Variants in SATL1 observed in about 807,000 individuals in gnomAD.
The protein encoded by SATL1 is spermidine/spermine N1-acetyl transferase like 1.
SATL1 carries 47 observed loss-of-function variants against 51.8 expected under a neutral mutation model. The observed-to-expected ratio is 0.91, with a 90% confidence interval of 0.72 to 1.16. The LOEUF is 1.16. SATL1 is among the 50% of genes most tolerant of loss of function. The pLI is 0.00. For synonymous variants in SATL1, 176 were observed against 182.4 expected (o/e 0.97, Z 0.28); for missense variants, 520 against 526.4 (o/e 0.99, Z 0.12).
At chrX:85,130,743 T>G (rs1925770823) in intron 2 of SATL1, among the ~76,000 whole-genome samples, 1 of 111,807 alleles carries the variant, frequency 8.9e-6, no homozygotes. Context: ...AATGTTAGGG[T>G]GTCAATTTTA....
intron 2 of SATL1, among the ~76,000 whole-genome samples, chrX:85,129,489 G>T (rs1483099107): frequency 5.4e-5 from 6 of 111,841 alleles, no homozygotes; most frequent in African/African-American, 2.0e-4. Context: ...TTTTTACACA[G>T]TGATTTTGTA....
intron 2 of SATL1, chrX:85,211,240 A>G (rs867363913): frequency 3.6e-5 from 4 of 112,032 alleles, no homozygotes; most frequent in African/African-American, 1.3e-4. Flanking sequence ...ACATAGACAT[A>G]CATACAATAC....
intron 2 of SATL1, among the ~76,000 whole-genome samples, chrX:85,160,519 C>G (rs1288719196): frequency 9.0e-6 from 1 of 110,515 alleles, no homozygotes; most frequent in East Asian, 2.9e-4. Context: ...GAAAAACACA[C>G]TACAAGAATG....
At chrX:85,150,293 T>A (rs1926390328) in intron 2 of SATL1, among the ~76,000 whole-genome samples, 2 of 111,601 alleles carry the variant, frequency 1.8e-5, no homozygotes, top group Non-Finnish European at 3.8e-5. Flanking sequence ...AATAGATGAA[T>A]AATAGGCTCT....
chrX:85,212,661 A>T (rs1165111096), intron 2 of SATL1: 1 of 110,619 alleles, frequency 9.0e-6, no homozygotes, highest in South Asian at 3.8e-4. Flanking sequence ...TATTTATTTT[A>T]TTTTTTTTCA....
chrX:85,095,499 A>G (rs745396009), intron 4 of SATL1, among the ~76,000 whole-genome samples: 1 of 110,089 alleles, frequency 9.1e-6, no homozygotes, highest in East Asian at 2.9e-4. Flanking sequence ...AAACATATAT[A>G]CAGGGGAATT....
At chrX:85,130,495 T>C (rs774586743) in intron 2 of SATL1, among the ~76,000 whole-genome samples, 22 of 111,330 alleles carry the variant, frequency 2.0e-4, no homozygotes, top group African/African-American at 6.9e-4. Context: ...TGGTGATATC[T>C]CCTTTATCAT....
At chrX:85,194,588 A>C (rs1216665739) in intron 2 of SATL1, among the ~76,000 whole-genome samples, 2 of 110,973 alleles carry the variant, frequency 1.8e-5, no homozygotes, top group Non-Finnish European at 3.8e-5. Flanking sequence ...TAATAAAAGG[A>C]CAGTATTCAC....
intron 2 of SATL1, among the ~76,000 whole-genome samples, chrX:85,114,109 C>T (rs1925327164): frequency 9.0e-6 from 1 of 111,692 alleles, no homozygotes; most frequent in South Asian, 3.7e-4. Context: ...CAAAAGAAAA[C>T]AGATTTTTAT....
chrX:85,151,659 G>T (rs926037145), intron 2 of SATL1, among the ~76,000 whole-genome samples: 5 of 110,964 alleles, frequency 4.5e-5, no homozygotes, highest in Non-Finnish European at 9.4e-5. Flanking sequence ...CAGAAATAAT[G>T]CCGCATATCT....
intron 2 of SATL1, among the ~76,000 whole-genome samples, chrX:85,169,329 C>A (rs1033882750): frequency 4.5e-5 from 5 of 111,089 alleles, no homozygotes; most frequent in African/African-American, 1.6e-4. Context: ...ACAAAGTAAG[C>A]AGATGACCTA....
At chrX:85,118,441 C>G (rs778881061) in intron 2 of SATL1, 19 of 109,771 alleles carry the variant, frequency 1.7e-4, no homozygotes, top group African/African-American at 6.3e-4. Flanking sequence ...AGAAGGTAAC[C>G]CTGGAGAAGG....
chrX:85,157,593 G>T (rs1926627896), intron 2 of SATL1, among the ~76,000 whole-genome samples: 1 of 110,745 alleles, frequency 9.0e-6, no homozygotes, highest in African/African-American at 3.3e-5. Flanking sequence ...TCAAATCTCC[G>T]AGTTGACATT....
intron 2 of SATL1, among the ~76,000 whole-genome samples, chrX:85,145,616 A>T (rs759354460): frequency 5.4e-5 from 6 of 111,777 alleles, no homozygotes; most frequent in African/African-American, 1.9e-4. Context: ...ACATCCTTTT[A>T]AGTAGAGTAC....
At chrX:85,239,225 T>G (rs1928537718) in intron 1 of SATL1, among the ~76,000 whole-genome samples, 1 of 111,715 alleles carries the variant, frequency 9.0e-6, no homozygotes. Flanking sequence ...TGCTTATAAC[T>G]AAATACAGAG....
At chrX:85,172,912 A>T (rs1927002763) in intron 2 of SATL1, among the ~76,000 whole-genome samples, 1 of 111,668 alleles carries the variant, frequency 9.0e-6, no homozygotes, top group East Asian at 2.8e-4. Flanking sequence ...AGAAAAGCCA[A>T]GAGAAAGAAT....
chrX:85,153,695 A>G (rs1207188983), intron 2 of SATL1: 2 of 111,827 alleles, frequency 1.8e-5, no homozygotes, highest in Non-Finnish European at 3.8e-5. Flanking sequence ...CTAATATGTG[A>G]GCTTTTTCTA....
chrX:85,148,088 A>C (rs1378845810), intron 2 of SATL1, among the ~76,000 whole-genome samples: 3 of 111,289 alleles, frequency 2.7e-5, no homozygotes, highest in African/African-American at 6.5e-5. Context: ...AAAATTTAGA[A>C]GAATGTATAA....
intron 2 of SATL1, among the ~76,000 whole-genome samples, chrX:85,128,364 T>C (rs1925685091): frequency 8.9e-6 from 1 of 112,085 alleles, no homozygotes; most frequent in Non-Finnish European, 1.9e-5. Context: ...TGGTATCTCA[T>C]TGTGGTTTTG....
Sources: gnomAD v4.1 joint callset for allele counts (sites outside exome capture counted in the v4.1 genomes callset) on GRCh38, gnomAD v4.1.1 for gene constraint, MANE v1.5 for transcripts, NCBI Gene and HGNC (gene_info 2026-07-23, HGNC 2026-07-21) for gene names.